Variants in UBR4 observed in about 807,000 individuals in gnomAD.
UBR4 encodes E3 ubiquitin-protein ligase UBR4.
Under a neutral mutation model 575.6 loss-of-function variants are expected in UBR4, and 124 were observed. The ratio of observed to expected loss-of-function variants is 0.22; its 90% CI spans 0.19 to 0.25. The LOEUF is 0.25. Among genes scored for constraint, UBR4 ranks in the 10% least tolerant of loss-of-function variants. The pLI is 1.00. For synonymous variants in UBR4, 2,455 were observed against 2,473.7 expected (o/e 0.99, Z 0.22); for missense variants, 4,818 against 6,478.8 (o/e 0.74, Z 8.80).
chr1:19,173,918 C>G (rs1338024771), intron 22 of UBR4, among the ~76,000 whole-genome samples: 1 of 152,208 alleles, frequency 6.6e-6, no homozygotes, highest in Non-Finnish European at 1.5e-5. Context: ...CAAAAGAGGG[C>G]AGGACATTCT....
At position 19,096,913 on chromosome 1, in the gene UBR4, G is replaced by A. The variant is rs72651014; in HGVS notation, c.13391-263C>T. ...TGAGCACCAATACCATCAATGGAGT[G>A]GGGGGAGAGGGAGTTAAAAATAAAT... On this transcript the variant is annotated intron_variant, in intron 91 of 105. Coordinates refer to ENST00000375254, the MANE Select transcript of UBR4 (RefSeq NM_020765.3). Among the ~76,000 whole-genome samples the A allele has an allele frequency of 5.1e-4, 77 of 151,984 alleles. 2 individuals are homozygous for A. The highest frequency in any genetic ancestry group is 2.2e-4 in the Non-Finnish European group (15 of 68,014).
At position 19,126,331 on chromosome 1, in the gene UBR4, C is replaced by T. The variant is rs545942670; in HGVS notation, c.9438+115G>A. 1.6e-4 allele frequency: 196 copies of T among 1,239,484 alleles called. 1 individual carries two copies. In the African/African-American group the frequency reaches 2.1e-3, roughly 13 times the overall value. The allele number at this position is 1,239,484 out of a possible 1,614,324, so 76.8% of individuals were successfully genotyped here. On this transcript the variant is annotated intron_variant, in intron 64 of 105. Transcript: ENST00000375254. ...GAGATTAACCCCCACCAAGGAATGC[C>T]GGCTCCTTCCTATGGCTCTTCACCC...
In UBR4 at chr1:19,156,300, A is replaced by G. The variant is rs780638939; in HGVS notation, c.6043T>C (p.Leu2015=). ...AVWLPGSQTE[L]AIVTADFVKI... ...ACAAAGTCTGCGGTGACAATTGCTA[A>G]CTCGGTCTGTGAACCAGGTAACCAC... The change falls in exon 42 of 106, where the codon TTA becomes CTA. Residue 2015 remains leucine (L), a synonymous_variant. Transcript: ENST00000375254. 1.2e-6 allele frequency: 2 copies of G among 1,614,210 alleles called. No individual in the cohort carries two copies. The highest frequency in any genetic ancestry group is 1.7e-6 in the Non-Finnish European group (2 of 1,180,030).
intron 52 of UBR4, 187 bp from the exon 53 acceptor site, chr1:19,146,120 A>C (rs1249231246): frequency 6.5e-6 from 10 of 1,538,598 alleles, no homozygotes; most frequent in Non-Finnish European, 8.8e-6. Flanking sequence ...GGAAAGGAAT[A>C]TCGCAGAAAA....
chr1:19,113,608 C>T (rs550785129), intron 77 of UBR4, 91 bp downstream of exon 77: 11 of 1,561,154 alleles, frequency 7.0e-6, no homozygotes, highest in Non-Finnish European at 8.7e-6. Context: ...AAGACCTGGA[C>T]TGCTAGATGA....
At position 19,153,240 on chromosome 1, in the gene UBR4, G is replaced by A; in HGVS notation, c.6832+61C>T. 1 of 1,539,092 alleles carries A rather than the reference G, an allele frequency of 6.5e-7. No individual in the cohort carries two copies. Among genetic ancestry groups the A allele is most frequent in the Non-Finnish European group, 9.0e-7 (1 of 1,113,792 alleles). On this transcript the variant is annotated intron_variant, in intron 46 of 105. Coordinates refer to ENST00000375254, the MANE Select transcript of UBR4 (RefSeq NM_020765.3). This position sits in a 1 kb window ranked among gnomAD's most constrained non-coding sequence, Gnocchi z 4.1. ...AGATATTTTCAACAGTCTATTCTGA[G>A]TCACTGTCTAGAAGACCACCATTCC...
chr1:19,203,066 G>A (rs546323052), intron 1 of UBR4, among the ~76,000 whole-genome samples: 12 of 151,782 alleles, frequency 7.9e-5, no homozygotes, highest in African/African-American at 2.9e-4. Context: ...GGGTGACAGC[G>A]AGACTCCGTC....
chr1:19,165,873 T>C, intron 29 of UBR4, 116 bp from the exon 30 acceptor site: 2 of 894,976 alleles, frequency 2.2e-6, no homozygotes, highest in Admixed American at 3.0e-5. Flanking sequence ...CAATGTCTAA[T>C]TTTGTTTTGG....
chr1:19,182,589 A>G (rs887732170), intron 17 of UBR4, among the ~76,000 whole-genome samples: 1 of 152,156 alleles, frequency 6.6e-6, no homozygotes, highest in East Asian at 1.9e-4. Flanking sequence ...TCCCACCAGC[A>G]ATGCATCAAG....
chr1:19,090,044 T>C (rs374774750), intron 97 of UBR4, among the ~76,000 whole-genome samples: 3 of 152,344 alleles, frequency 2.0e-5, no homozygotes, highest in East Asian at 1.9e-4. Flanking sequence ...CATACATTCA[T>C]AGCATAGTCT....
chr1:19,105,815 C>T lies in UBR4; in HGVS notation c.12421G>A (p.Ala4141Thr), dbSNP rs746448643. 1.9e-5 allele frequency: 31 copies of T among 1,606,250 alleles called. No individual in the cohort carries two copies. The highest frequency in any genetic ancestry group is 2.0e-5 in the Non-Finnish European group (24 of 1,177,576). ...ACAATGGTACAGGCTGCCTGCCGTGCGGCCTGCGTTGCTGGAGTGAAAAGC... is the reference window on the plus strand; with the variant it reads ...ACAATGGTACAGGCTGCCTGCCGTGTGGCCTGCGTTGCTGGAGTGAAAAGC... ...QVLFTPATQA[A>T]RQAACTIVEA... Residue 4141 changes from alanine (A) to threonine (T), a missense_variant, in exon 84 of 106, where the codon GCA becomes ACA. By Grantham distance (58) the Ala-to-Thr change is moderately conservative. Transcript: ENST00000375254.
chr1:19,104,956 AAAAC>A (rs779285282), intron 85 of UBR4, 88 bp downstream of exon 85: 46 of 1,521,084 alleles, frequency 3.0e-5, no homozygotes, highest in Non-Finnish European at 3.8e-5. Flanking sequence ...CTTCTCAGCA[AAAAC>A]AAACAAACAA....
rs142636344 is a variant in UBR4, at chr1:19,176,663, C to T, written c.2702G>A (p.Arg901His). 309 of 1,614,068 alleles carry T rather than the reference C, an allele frequency of 1.9e-4. No homozygotes were observed. Among genetic ancestry groups the T allele is most frequent in the Admixed American group, 1.6e-3 (99 of 60,028 alleles). The change falls in exon 20 of 106, where the codon CGC (arginine) becomes CAC (histidine). Residue 901 changes from arginine to histidine, a missense_variant. Arg to His is a conservative substitution (Grantham distance 29). Coordinates refer to ENST00000375254, the MANE Select transcript of UBR4 (RefSeq NM_020765.3). Reference sequence around the variant, plus strand: ...ATGATAGAGAGGAGTGGTTGCCCGGCGGCTGTTGCTGTCCTGGGATCCACT... The same window carrying T: ...ATGATAGAGAGGAGTGGTTGCCCGGTGGCTGTTGCTGTCCTGGGATCCACT... ...WASGSQDSNS[R>H]RATTPLYHGF... is the part of the protein sequence containing the mutation.
chr1:19,110,187 G>A lies in UBR4; in HGVS notation c.12014C>T (p.Thr4005Ile). 1 of 1,614,232 alleles carries A rather than the reference G, an allele frequency of 6.2e-7. No homozygotes were observed. Among genetic ancestry groups the A allele is most frequent in the Non-Finnish European group, 8.5e-7 (1 of 1,180,046 alleles). Residue 4005 changes from threonine to isoleucine, a missense_variant, in exon 81 of 106, where the codon ACT (threonine) becomes ATT (isoleucine). By Grantham distance (89) the Thr-to-Ile change is moderately conservative (BLOSUM62 -1). Around this residue, in one of 29 missense-constraint regions of UBR4, gnomAD observed 333 missense variants for 459.2 expected, o/e 0.73. Transcript: ENST00000375254. The surrounding 1 kb of genome is among the most constrained non-coding windows in gnomAD (Gnocchi z 4.5). ...SLFLMAVNIK[T>I]PVVVENITLM... Reference sequence around the variant, plus strand: ...GGTAATGTTTTCAACCACCACAGGAGTCTTAATGTTCACAGCCATGAGGAA... The same window carrying A: ...GGTAATGTTTTCAACCACCACAGGAATCTTAATGTTCACAGCCATGAGGAA...
chr1:19,169,474 G>A lies in UBR4; in HGVS notation c.3702C>T (p.Asn1234=). ...SSVQTVCESW[N]NINTNEFPNI... is the part of the protein sequence containing the mutation. ...TGGGAAATTCATTGGTATTGATGTT[G>A]TTCCAGGACTCACACACAGTCTGCA... is the stretch of plus-strand genomic sequence containing the variant. The change falls in exon 27 of 106, where the codon AAC becomes AAT. Residue 1234 remains asparagine, a synonymous_variant. Coordinates refer to ENST00000375254, the MANE Select transcript of UBR4 (RefSeq NM_020765.3). 6.2e-7 allele frequency: 1 copy of A among 1,613,912 alleles called. No homozygotes were observed. The highest frequency in any genetic ancestry group is 8.5e-7 in the Non-Finnish European group (1 of 1,179,934).
In UBR4 at chr1:19,112,565, G is replaced by A. The variant is rs774355532; in HGVS notation, c.11760C>T (p.Ala3920=). Residue 3920 remains alanine (A), a synonymous_variant, in exon 78 of 106, where the codon GCC becomes GCT. Coordinates refer to ENST00000375254, the MANE Select transcript of UBR4 (RefSeq NM_020765.3). ...TGAGCTGGCGGACCTCCTCCCGCATGGCCGCAGCCCCTCGGCGAAGATTAT... is the reference window on the plus strand; with the variant it reads ...TGAGCTGGCGGACCTCCTCCCGCATAGCCGCAGCCCCTCGGCGAAGATTAT... ...FDYNLRRGAA[A]MREEVRQLMC... 4 of 1,613,918 alleles carry A rather than the reference G, an allele frequency of 2.5e-6. No homozygotes were observed. Among genetic ancestry groups the A allele is most frequent in the Non-Finnish European group, 3.4e-6 (4 of 1,179,910 alleles).
rs746296643 is a variant in UBR4, at chr1:19,140,816, T to C, written c.8565A>G (p.Ala2855=). 1 of 1,613,394 alleles carries C rather than the reference T, an allele frequency of 6.2e-7. No homozygotes were observed. The highest frequency in any genetic ancestry group is 1.1e-5 in the South Asian group (1 of 91,012). ...ATGCTGTGGTGTCAGAGAGGGTTCCTGCGTCCAGAGAGGAAGAGCTGGGTG... is the reference window on the plus strand; with the variant it reads ...ATGCTGTGGTGTCAGAGAGGGTTCCCGCGTCCAGAGAGGAAGAGCTGGGTG... ...GQAPSSSSLD[A]GTLSDTTASA... is the part of the protein sequence containing the mutation. The change falls in exon 58 of 106, where the codon GCA becomes GCG. Residue 2855 remains alanine, a synonymous_variant. Coordinates refer to ENST00000375254, the MANE Select transcript of UBR4 (RefSeq NM_020765.3).
intron 1 of UBR4, 62 bp from the exon 2 acceptor site, chr1:19,201,877 C>A: frequency 7.2e-7 from 1 of 1,390,690 alleles, no homozygotes. Flanking sequence ...CCAGATACCC[C>A]TTTATGGATA....
intron 55 of UBR4, among the ~76,000 whole-genome samples, chr1:19,143,140 AAAAG>A (rs1452896358): frequency 4.6e-5 from 7 of 150,942 alleles, no homozygotes; most frequent in South Asian, 2.1e-4. Flanking sequence ...AAAAGAAAAG[AAAAG>A]AAAGAAGGAA....
Sources: allele counts gnomAD v4.1 joint callset (sites outside exome capture counted in the v4.1 genomes callset), GRCh38; gene constraint gnomAD v4.1.1; regional missense constraint gnomAD v4.1.1; non-coding constraint Gnocchi (gnomAD v3.1); transcripts MANE v1.5; gene names NCBI Gene and HGNC (gene_info 2026-07-23, HGNC 2026-07-21).